Variants in DNAJC1 observed in about 807,000 individuals in gnomAD.
DNAJC1 encodes the protein dnaJ homolog subfamily C member 1.
DNAJC1 carries 58 observed loss-of-function variants against 76.6 expected under a neutral mutation model. The ratio of observed to expected loss-of-function variants is 0.76; its 90% CI spans 0.61 to 0.94. The LOEUF (loss-of-function observed/expected upper bound fraction) is 0.94. Ranked by LOEUF, DNAJC1 falls within the 40% of genes least tolerant of loss-of-function variation. DNAJC1 has a pLI of 0.00. For missense variants in DNAJC1, 689 were observed against 677.3 expected (o/e 1.02, Z -0.19); for synonymous variants, 258 against 267.9 (o/e 0.96, Z 0.36).
At chr10:21,795,879 T>G (rs1402263241) in intron 9 of DNAJC1, among the ~76,000 whole-genome samples, 1 of 152,170 alleles carries the variant, frequency 6.6e-6, no homozygotes, top group Non-Finnish European at 1.5e-5. Flanking sequence ...AATGGAATCA[T>G]GTAGTATCTG....
chr10:21,953,306 C>G (rs1311559867), intron 1 of DNAJC1, among the ~76,000 whole-genome samples: 1 of 151,750 alleles, frequency 6.6e-6, no homozygotes, highest in Non-Finnish European at 1.5e-5. Context: ...CACCTGACTT[C>G]TTATTAAATA....
intron 1 of DNAJC1, among the ~76,000 whole-genome samples, chr10:22,000,576 C>T (rs534520106): frequency 1.3e-5 from 2 of 152,370 alleles, no homozygotes; most frequent in African/African-American, 4.8e-5. Flanking sequence ...TGCTTACTGT[C>T]TGCTCTTCCT....
intron 7 of DNAJC1, among the ~76,000 whole-genome samples, chr10:21,902,056 A>T (rs1351198450): frequency 1.3e-5 from 2 of 152,206 alleles, no homozygotes; most frequent in Non-Finnish European, 2.9e-5. Flanking sequence ...CTGTTCTTTA[A>T]CATTCTTAAT....
At chr10:21,799,719 T>C (rs994413633) in intron 9 of DNAJC1, among the ~76,000 whole-genome samples, 3 of 152,192 alleles carry the variant, frequency 2.0e-5, no homozygotes, top group Non-Finnish European at 2.9e-5. Context: ...TTAGTTCTCC[T>C]GATTCACCAT....
intron 8 of DNAJC1, among the ~76,000 whole-genome samples, chr10:21,824,506 A>G (rs1172892559): frequency 6.6e-6 from 1 of 152,244 alleles, no homozygotes; most frequent in East Asian, 1.9e-4. Flanking sequence ...TAAGTTGAAG[A>G]CATATATTAA....
At chr10:21,936,448 T>C (rs1397297545) in intron 1 of DNAJC1, among the ~76,000 whole-genome samples, 3 of 152,192 alleles carry the variant, frequency 2.0e-5, no homozygotes, top group African/African-American at 7.2e-5. Flanking sequence ...CTCTACATGA[T>C]TTAAAAGACA....
chr10:21,992,969 C>T (rs964435186), intron 1 of DNAJC1, among the ~76,000 whole-genome samples: 3 of 152,104 alleles, frequency 2.0e-5, no homozygotes, highest in Admixed American at 1.3e-4. Context: ...TTATTGATTT[C>T]GTCTCTATCT....
At chr10:21,813,096 C>CATATATATATATATATATATAT (rs373917334) in intron 8 of DNAJC1, among the ~76,000 whole-genome samples, 2 of 117,294 alleles carry the variant, frequency 1.7e-5, no homozygotes, top group African/African-American at 6.8e-5. Context: ...TACACACACA[C>CATATATATATATATATATATAT]ATATATATAT....
intron 1 of DNAJC1, among the ~76,000 whole-genome samples, chr10:21,966,701 T>A (rs1273979582): frequency 6.6e-6 from 1 of 151,530 alleles, no homozygotes. Context: ...TTTTTTTTTT[T>A]TGAGGTGGAG....
chr10:21,955,987 C>T (rs1030426700), intron 1 of DNAJC1, among the ~76,000 whole-genome samples: 6 of 152,154 alleles, frequency 3.9e-5, no homozygotes, highest in Non-Finnish European at 8.8e-5. Flanking sequence ...CTTTTCATGT[C>T]AGTATATACA....
chr10:21,983,620 C>G (rs1247197204), intron 1 of DNAJC1, among the ~76,000 whole-genome samples: 4 of 151,302 alleles, frequency 2.6e-5, no homozygotes, highest in African/African-American at 9.7e-5. Flanking sequence ...ACTGGGGAGG[C>G]TGAGGCACAA....
chr10:21,958,666 T>C (rs1398404849), intron 1 of DNAJC1, among the ~76,000 whole-genome samples: 1 of 152,108 alleles, frequency 6.6e-6, no homozygotes, highest in Admixed American at 6.5e-5. Flanking sequence ...CACCTCGTGA[T>C]CCACCTGCCT....
At chr10:21,917,497 A>C (rs938046402) in intron 6 of DNAJC1, among the ~76,000 whole-genome samples, 1 of 152,050 alleles carries the variant, frequency 6.6e-6, no homozygotes, top group African/African-American at 2.4e-5. Context: ...CGGATTCTAA[A>C]GTTGGCAAAA....
chr10:21,782,852 C>G (rs1055252476), intron 9 of DNAJC1, among the ~76,000 whole-genome samples: 21 of 152,218 alleles, frequency 1.4e-4, no homozygotes, highest in Non-Finnish European at 2.2e-4. Flanking sequence ...ATTCAACAAC[C>G]CTTCATGCTA....
At chr10:21,968,226 C>CA (rs1276801676) in intron 1 of DNAJC1, among the ~76,000 whole-genome samples, 2 of 152,134 alleles carry the variant, frequency 1.3e-5, no homozygotes, top group Admixed American at 6.5e-5. Flanking sequence ...ATAAGGAGTT[C>CA]AACAATAAAA....
intron 1 of DNAJC1, among the ~76,000 whole-genome samples, chr10:21,958,627 C>T (rs1456191844): frequency 1.3e-5 from 2 of 152,016 alleles, no homozygotes; most frequent in Non-Finnish European, 2.9e-5. Context: ...GGGGTTTCAC[C>T]GTGTTAGCCA....
intron 7 of DNAJC1, among the ~76,000 whole-genome samples, chr10:21,890,714 C>T (rs892300917): frequency 4.6e-5 from 7 of 152,290 alleles, no homozygotes; most frequent in Admixed American, 6.5e-5. Flanking sequence ...AGCACTACCC[C>T]TTCCATGGCT....
At position 21,907,252 on chromosome 10, in the gene DNAJC1, T is replaced by C. The variant is rs192600535; in HGVS notation, c.730-2640A>G. ...CTTTCATTACATTCCCTAGTTTCAG[T>C]CACTATTTTTATCTTCCTTTTGCTC... On this transcript the variant is annotated intron_variant, in intron 6 of 11. Transcript: ENST00000376980. Among the ~76,000 whole-genome samples, 20 of 152,222 alleles carry C rather than the reference T, an allele frequency of 1.3e-4. No homozygotes were observed. The East Asian group carries it at 2.7e-3, about 21-fold the overall frequency.
intron 6 of DNAJC1, 87 bp from the exon 7 acceptor site, chr10:21,904,699 T>C (rs1020857956): frequency 1.0e-5 from 7 of 679,622 alleles, no homozygotes; most frequent in Non-Finnish European, 1.6e-5. Flanking sequence ...TAAAGCATTA[T>C]ATTCATTTTA....
Sources: allele counts gnomAD v4.1 joint callset (sites outside exome capture counted in the v4.1 genomes callset), GRCh38; gene constraint gnomAD v4.1.1; transcripts MANE v1.5; gene names NCBI Gene and HGNC (gene_info 2026-07-23, HGNC 2026-07-21).